Variants in PRELID2 observed in about 807,000 individuals in gnomAD.
PRELID2 encodes the protein PRELI domain containing 2.
A neutral mutation model predicts 28.4 loss-of-function variants in PRELID2; 25 were observed. The ratio of observed to expected loss-of-function variants is 0.88; its 90% confidence interval spans 0.64 to 1.23. The LOEUF (loss-of-function observed/expected upper bound fraction) is 1.23. Ranked by LOEUF, PRELID2 falls within the 50% of genes most tolerant of loss-of-function variation. The pLI, the probability that PRELID2 is intolerant of heterozygous loss-of-function variation, is 0.00. For missense variants in PRELID2, 201 were observed against 214.4 expected (o/e 0.94, Z 0.39); for synonymous variants, 76 against 71.6 (o/e 1.06, Z -0.31).
At chr5:145,333,964 G>A in the PRELID2 span, among the ~76,000 whole-genome samples, 1 of 152,102 alleles carries the variant, frequency 6.6e-6, no homozygotes, top group African/African-American at 2.4e-5. Context: ...TGGGAAAATT[G>A]TAGTATCCTG....
chr5:145,753,059 G>T (rs189912474), downstream of PRELID2, among the ~76,000 whole-genome samples: 2 of 152,196 alleles, frequency 1.3e-5, no homozygotes, highest in African/African-American at 2.4e-5. Flanking sequence ...GGCCAAGTTC[G>T]CATTTTCTCC....
intron 1 of PRELID2, among the ~76,000 whole-genome samples, chr5:145,545,249 G>A (rs146561337): frequency 2.0e-5 from 3 of 152,164 alleles, no homozygotes; most frequent in East Asian, 1.9e-4. Context: ...TACTTAAAGG[G>A]TTTTCTTAAA....
chr5:145,480,466 T>C (rs1752147813), intron 1 of PRELID2, among the ~76,000 whole-genome samples: 1 of 152,170 alleles, frequency 6.6e-6, no homozygotes, highest in Non-Finnish European at 1.5e-5. Flanking sequence ...AAAACCTTCA[T>C]TGTGCTATTT....
the PRELID2 span, among the ~76,000 whole-genome samples, chr5:145,375,484 A>C: frequency 6.6e-6 from 1 of 152,078 alleles, no homozygotes; most frequent in Non-Finnish European, 1.5e-5. Context: ...CCGTTTAACG[A>C]AGCACTTTGT....
At chr5:145,694,549 AC>A (rs1195609038) in intron 1 of PRELID2, among the ~76,000 whole-genome samples, 8 of 152,222 alleles carry the variant, frequency 5.3e-5, no homozygotes, top group African/African-American at 1.9e-4. Context: ...GAAATTAAGT[AC>A]AAATTTATTG....
At position 145,805,808 on chromosome 5, in the gene PRELID2, C is replaced by T. The variant is rs116525080; in HGVS notation, c.369-9261G>A. Among the ~76,000 whole-genome samples the T allele has an allele frequency of 5.2e-3, 788 of 152,300 alleles. 4 individuals are homozygous for T. The highest frequency in any genetic ancestry group is 0.018 in the African/African-American group (744 of 41,554). On this transcript the variant is annotated intron_variant, in intron 4 of 6. Transcript: ENST00000683046. ...GATGGTATAGCCTATTGTTCCTAGA[C>T]TACAAAGCTGCACATCATGTTACTA...
At chr5:145,730,376 A>G (rs563398147) in intron 1 of PRELID2, among the ~76,000 whole-genome samples, 41 of 152,334 alleles carry the variant, frequency 2.7e-4, no homozygotes, top group Middle Eastern at 3.4e-3. Flanking sequence ...GAAAGCAGGT[A>G]ATATTTAACA....
chr5:145,246,336 C>A, the PRELID2 span, among the ~76,000 whole-genome samples: 1 of 151,984 alleles, frequency 6.6e-6, no homozygotes, highest in East Asian at 1.9e-4. Flanking sequence ...TTATTAAGTA[C>A]CGGGGATATA....
At chr5:145,286,735 T>TG in the PRELID2 span, among the ~76,000 whole-genome samples, 165 of 149,290 alleles carry the variant, frequency 1.1e-3, no homozygotes, top group African/African-American at 4.0e-3. Flanking sequence ...TTTTTTTTTT[T>TG]TTTTGAGACG....
chr5:145,783,589 C>T (rs1415465951), intron 5 of PRELID2, among the ~76,000 whole-genome samples: 1 of 152,134 alleles, frequency 6.6e-6, no homozygotes, highest in East Asian at 1.9e-4. Context: ...TATCTGAGCA[C>T]TCAAGGGTGG....
chr5:145,686,705 C>T (rs75826845), intron 1 of PRELID2, among the ~76,000 whole-genome samples: 5,246 of 152,114 alleles, frequency 0.034, 300 homozygotes, highest in African/African-American at 0.12. Flanking sequence ...AATTACTTGC[C>T]CTTTTGTTTC....
the PRELID2 span, among the ~76,000 whole-genome samples, chr5:145,248,729 G>A: frequency 2.0e-5 from 3 of 150,720 alleles, no homozygotes; most frequent in Admixed American, 6.6e-5. Context: ...CCCAGGGGGT[G>A]CAGGTTGCAG....
At chr5:145,289,056 C>A in the PRELID2 span, among the ~76,000 whole-genome samples, 138,716 of 152,070 alleles carry the variant, frequency 0.91, 63,424 homozygotes, top group East Asian at 1. Flanking sequence ...TACTTCCTTC[C>A]ATAAAGTTTC....
chr5:145,418,802 A>T, the PRELID2 span, among the ~76,000 whole-genome samples: 1 of 151,688 alleles, frequency 6.6e-6, no homozygotes, highest in African/African-American at 2.4e-5. Context: ...ATATGTATAC[A>T]TGTGCCATGC....
chr5:145,322,097 T>C, the PRELID2 span, among the ~76,000 whole-genome samples: 1 of 152,222 alleles, frequency 6.6e-6, no homozygotes, highest in African/African-American at 2.4e-5. Flanking sequence ...TTAATAGCTC[T>C]TGGCTCCTGT....
intron 1 of PRELID2, among the ~76,000 whole-genome samples, chr5:145,626,113 T>A (rs1416219041): frequency 6.6e-6 from 1 of 152,106 alleles, no homozygotes; most frequent in African/African-American, 2.4e-5. Flanking sequence ...TTGTGAACTT[T>A]GGCCTAGGCA....
At chr5:145,523,313 G>A (rs541108104) in intron 1 of PRELID2, among the ~76,000 whole-genome samples, 1 of 152,180 alleles carries the variant, frequency 6.6e-6, no homozygotes, top group South Asian at 2.1e-4. Context: ...TTTTAAATAG[G>A]TATCGCTAAC....
At chr5:145,739,567 A>C (rs1756592980) in intron 1 of PRELID2, among the ~76,000 whole-genome samples, 1 of 152,168 alleles carries the variant, frequency 6.6e-6, no homozygotes, top group African/African-American at 2.4e-5. Context: ...GAAAAATATA[A>C]ATAAATATAA....
the PRELID2 span, among the ~76,000 whole-genome samples, chr5:145,275,843 T>G: frequency 6.6e-6 from 1 of 152,158 alleles, no homozygotes. Context: ...CTTGTGACTT[T>G]TGGTGAGTTA....
Sources: gnomAD v4.1 joint callset for allele counts (sites outside exome capture counted in the v4.1 genomes callset) on GRCh38, gnomAD v4.1.1 for gene constraint, MANE v1.5 for transcripts, NCBI Gene and HGNC (gene_info 2026-07-23, HGNC 2026-07-21) for gene names.